The following UPF2 variants were observed in gnomAD, a reference collection of about 807,000 sequenced individuals.
UPF2 encodes the protein regulator of nonsense transcripts 2.
In UPF2, 17 loss-of-function variants were observed where a neutral mutation model predicts 141.4. The observed-to-expected ratio is 0.12, with a 90% CI of 0.08 to 0.18. The LOEUF is 0.18. UPF2 is among the 10% of genes least tolerant of loss of function. UPF2 has a pLI of 1.00. For synonymous variants in UPF2, 540 were observed against 498.0 expected (o/e 1.08, Z -1.12); for missense variants, 1,152 against 1,515.9 (o/e 0.76, Z 3.99).
chr10:11,985,003 G>A (rs1311396732), intron 8 of UPF2, among the ~76,000 whole-genome samples: 2 of 152,164 alleles, frequency 1.3e-5, no homozygotes, highest in Admixed American at 1.3e-4. Flanking sequence ...GTGAGCCACC[G>A]CGCCCGGTCC....
intron 4 of UPF2, among the ~76,000 whole-genome samples, chr10:12,011,521 A>T (rs900400709): frequency 7.2e-5 from 11 of 152,190 alleles, no homozygotes; most frequent in African/African-American, 2.7e-4. Flanking sequence ...GAGTTGCTTA[A>T]ACCTGGGATG....
At chr10:12,022,426 A>G in intron 3 of UPF2, among the ~76,000 whole-genome samples, 1 of 54,410 alleles carries the variant, frequency 1.8e-5, no homozygotes, top group African/African-American at 3.2e-5. Context: ...AAAAAAAAAG[A>G]AAAAAATTAT....
rs1036860290 is a variant in UPF2, at chr10:12,014,383, C to T, written c.1146-199G>A. On this transcript the variant is annotated intron_variant, in intron 3 of 21. Coordinates refer to ENST00000357604, the MANE Select transcript of UPF2 (RefSeq NM_015542.4). This position sits in a 1 kb window ranked among gnomAD's most constrained non-coding sequence, Gnocchi z 5.0. The stretch of plus-strand genomic sequence containing the variant: ...ATTCACCTGAACATTTAAATTTTAA[C>T]ACTGGTTCCTCAAAGAATATGCAGC... Among the ~76,000 whole-genome samples, 2 of 152,112 alleles carry T rather than the reference C, an allele frequency of 1.3e-5. No individual in the cohort carries two copies. The highest frequency in any genetic ancestry group is 4.8e-5 in the African/African-American group (2 of 41,416).
intron 4 of UPF2, among the ~76,000 whole-genome samples, chr10:12,013,568 C>A (rs563330814): frequency 6.6e-6 from 1 of 151,842 alleles, no homozygotes; most frequent in Non-Finnish European, 1.5e-5. Flanking sequence ...CCACTGCGCC[C>A]GGCCACCCTT....
At chr10:12,018,560 G>A (rs1405261582) in intron 3 of UPF2, among the ~76,000 whole-genome samples, 1 of 151,856 alleles carries the variant, frequency 6.6e-6, no homozygotes, top group Admixed American at 6.6e-5. Flanking sequence ...TAGCCTGGGG[G>A]ACAGAGCAAG....
chr10:11,930,251 A>G (rs1162020903), intron 20 of UPF2, among the ~76,000 whole-genome samples: 1 of 152,238 alleles, frequency 6.6e-6, no homozygotes, highest in Non-Finnish European at 1.5e-5. Context: ...AAAGCCTAAG[A>G]GGCAGTGCAT....
At chr10:11,941,359 T>G (rs1191603629) in intron 18 of UPF2, among the ~76,000 whole-genome samples, 1 of 152,214 alleles carries the variant, frequency 6.6e-6, no homozygotes, top group Non-Finnish European at 1.5e-5. Context: ...GTAAGATTTA[T>G]TTCATAAATT....
Position 11,936,754 on chromosome 10 carries a change from T to C in UPF2, c.3379-42A>G, listed in dbSNP as rs1478983011. The C allele has an allele frequency of 2.6e-6, 4 of 1,530,296 alleles. No homozygotes were observed. In the East Asian group the frequency reaches 7.0e-5, roughly 27 times the overall value. 94.8% of individuals were successfully genotyped at this position (1,530,296 alleles called of 1,614,324 possible). On this transcript the variant is annotated intron_variant, in intron 18 of 21. Transcript: ENST00000357604. This position sits in a 1 kb window ranked among gnomAD's most constrained non-coding sequence, Gnocchi z 6.6. ...AGGACATAATAAACACTCCAAGATA[T>C]ATACGGATATATGTCAATATAAATT...
chr10:11,937,686 T>C (rs970189290), intron 18 of UPF2, among the ~76,000 whole-genome samples: 2 of 152,070 alleles, frequency 1.3e-5, no homozygotes, highest in Non-Finnish European at 2.9e-5. Flanking sequence ...TCCAGGAAGG[T>C]AGGCAGGTCA....
rs1359991505 is a variant in UPF2 at position 11,940,467 on chromosome 10, G to A, written c.3378+2198C>T. Among the ~76,000 whole-genome samples the A allele has an allele frequency of 6.6e-6, 1 of 152,082 alleles. No homozygotes were observed. Among genetic ancestry groups the A allele is most frequent in the Non-Finnish European group, 1.5e-5 (1 of 68,014 alleles). ...CTGTTTTCACTCCACGTAACCTTCT[G>A]ATCTCCATACATTTCCACTTGGACA... On this transcript the variant is annotated intron_variant, in intron 18 of 21. Coordinates refer to ENST00000357604, the MANE Select transcript of UPF2 (RefSeq NM_015542.4). The surrounding 1 kb of genome is among the most constrained non-coding windows in gnomAD (Gnocchi z 4.2).
intron 4 of UPF2, among the ~76,000 whole-genome samples, chr10:12,012,083 T>TC (rs1834137843): frequency 6.6e-6 from 1 of 151,722 alleles, no homozygotes; most frequent in South Asian, 2.1e-4. Flanking sequence ...AATGTTTTTT[T>TC]TTTTTGAGAC....
chr10:11,987,509 G>C (rs1833711666), intron 8 of UPF2, among the ~76,000 whole-genome samples: 1 of 151,992 alleles, frequency 6.6e-6, no homozygotes, highest in African/African-American at 2.4e-5. Context: ...TGTAATCACA[G>C]CACTTTGGGA....
rs756121218 is a variant in UPF2 at position 12,035,302 on chromosome 10, A to G, written c.122T>C (p.Ile41Thr). 1 of 1,613,670 alleles carries G rather than the reference A, an allele frequency of 6.2e-7. No individual in the cohort carries two copies. Among genetic ancestry groups the G allele is most frequent in the Non-Finnish European group, 8.5e-7 (1 of 1,179,978 alleles). Residue 41 changes from isoleucine (I) to threonine (T), a missense_variant, in exon 2 of 22, where the codon ATC (isoleucine) becomes ACC (threonine). Ile to Thr is a moderately conservative substitution (Grantham distance 89). Coordinates refer to ENST00000357604, the MANE Select transcript of UPF2 (RefSeq NM_015542.4). ...GACCTCCTTCTTGGCAGTGAGCTTG[A>G]TATCGTCTTTTGGCCTCTCCTTGCT... ...VSSKERPKDD[I>T]KLTAKKEVSK...
At chr10:11,965,882 T>C (rs1314942587) in intron 10 of UPF2, among the ~76,000 whole-genome samples, 2 of 152,306 alleles carry the variant, frequency 1.3e-5, no homozygotes, top group African/African-American at 4.8e-5. Context: ...GATATATCTA[T>C]TAAGATCTCA....
chr10:12,042,401 C>T lies in UPF2; in HGVS notation c.-19+354G>A, dbSNP rs1378343921. On this transcript the variant is annotated intron_variant, in intron 1 of 21. Transcript: ENST00000357604. The surrounding 1 kb of genome is among the most constrained non-coding windows in gnomAD (Gnocchi z 5.5). ...CCCTCCCGGCTCTCGAGGAGCTTCC[C>T]CCGACCTCCCCTCGCTCTCCTCCAC... Among the ~76,000 whole-genome samples, 2 of 152,160 alleles carry T rather than the reference C, an allele frequency of 1.3e-5. No homozygotes were observed. The highest frequency in any genetic ancestry group is 2.9e-5 in the Non-Finnish European group (2 of 68,028).
intron 10 of UPF2, among the ~76,000 whole-genome samples, chr10:11,965,404 T>C (rs897939094): frequency 6.6e-6 from 1 of 152,216 alleles, no homozygotes; most frequent in Non-Finnish European, 1.5e-5. Context: ...TTTCCAGAGA[T>C]GCTCTAAGAA....
At chr10:11,944,860 G>C (rs1193468676) in intron 16 of UPF2, among the ~76,000 whole-genome samples, 3 of 152,202 alleles carry the variant, frequency 2.0e-5, no homozygotes, top group African/African-American at 7.2e-5. Flanking sequence ...ACCTAAGCAG[G>C]CTAGGGAAAG....
In UPF2 at chr10:11,977,205, G is replaced by A. The variant is rs148840224; in HGVS notation, c.1953+1852C>T. On this transcript the variant is annotated intron_variant, in intron 9 of 21. Coordinates refer to ENST00000357604, the MANE Select transcript of UPF2 (RefSeq NM_015542.4). ...AAGAAGGAAATGAAATAGTTGCAGCGGGGGGAGGGCAGGGGATGCTGAGAA... is the reference window on the plus strand; with the variant it reads ...AAGAAGGAAATGAAATAGTTGCAGCAGGGGGAGGGCAGGGGATGCTGAGAA... Among the ~76,000 whole-genome samples, 1,024 of 152,236 alleles carry A rather than the reference G, an allele frequency of 6.7e-3. 16 individuals carry two copies. Among genetic ancestry groups the A allele is most frequent in the Non-Finnish European group, 7.2e-3 (492 of 68,010 alleles).
chr10:11,973,020 T>C (rs1366406614), intron 9 of UPF2, among the ~76,000 whole-genome samples: 4 of 152,228 alleles, frequency 2.6e-5, no homozygotes, highest in Admixed American at 2.0e-4. Context: ...AGTGTTCCTA[T>C]TTCTCCACGT....
Sources: gnomAD v4.1 joint callset for allele counts (sites outside exome capture counted in the v4.1 genomes callset) on GRCh38, gnomAD v4.1.1 for gene constraint, Gnocchi (gnomAD v3.1) non-coding constraint, MANE v1.5 for transcripts, NCBI Gene and HGNC (gene_info 2026-07-23, HGNC 2026-07-21) for gene names.